The following SIRPA variants were observed in gnomAD, a reference collection of about 807,000 sequenced individuals.
SIRPA encodes tyrosine-protein phosphatase non-receptor type substrate 1.
A neutral mutation model predicts 50.3 loss-of-function variants in SIRPA; 9 were observed. The observed-to-expected ratio is 0.18, with a 90% CI of 0.11 to 0.31. The LOEUF (loss-of-function observed/expected upper bound fraction) is 0.31, where lower values mean the gene tolerates loss of function less well. Among genes scored for constraint, SIRPA ranks in the 10% least tolerant of loss-of-function variants. The pLI is 1.00. For synonymous variants in SIRPA, 265 were observed against 284.1 expected (o/e 0.93, Z 0.68); for missense variants, 474 against 661.6 (o/e 0.72, Z 3.11).
At chr20:1,895,342 G>A, upstream of SIRPA, 11 of 688,324 alleles carry the variant, frequency 1.6e-5, no homozygotes, top group Non-Finnish European at 2.1e-5. Context: ...AGGCCCAGCC[G>A]GGAGGGGGGA....
At chr20:1,904,767 G>A (rs544641015) in intron 1 of SIRPA, among the ~76,000 whole-genome samples, 7 of 152,258 alleles carry the variant, frequency 4.6e-5, no homozygotes, top group South Asian at 4.1e-4. Context: ...TTCTGTGACC[G>A]GGAGGCTTGG....
At chr20:1,917,225 G>A (rs1985358808) in intron 2 of SIRPA, among the ~76,000 whole-genome samples, 2 of 152,110 alleles carry the variant, frequency 1.3e-5, no homozygotes, top group Non-Finnish European at 2.9e-5. Context: ...TACTTATGAA[G>A]GAAGAGCCAT....
At position 1,937,628 on chromosome 20, in the gene SIRPA, C is replaced by T. The variant is rs893024362; in HGVS notation, c.*60C>T. The T allele has an allele frequency of 8.2e-5, 129 of 1,580,906 alleles. 1 individual carries two copies. The Middle Eastern group carries it at 1.7e-3, about 21-fold the overall frequency. On this transcript the variant is annotated 3_prime_UTR_variant, in exon 8 of 8. Coordinates refer to ENST00000358771, the MANE Select transcript of SIRPA (RefSeq NM_001040023.2). The surrounding 1 kb of genome is among the most constrained non-coding windows in gnomAD (Gnocchi z 8.3). ...CGCGCTTTCTTGTCCCACAGGGAGCCGCCGTGATGAGCACAGCCAACCCAG... is the reference window on the plus strand; with the variant it reads ...CGCGCTTTCTTGTCCCACAGGGAGCTGCCGTGATGAGCACAGCCAACCCAG...
chr20:1,931,179 C>T, intron 6 of SIRPA, among the ~76,000 whole-genome samples: 1 of 152,192 alleles, frequency 6.6e-6, no homozygotes, highest in East Asian at 1.9e-4. Flanking sequence ...TACTGGGCCC[C>T]ACCCCCAAAG....
rs1984098980 is a variant in SIRPA, at chr20:1,900,220, C to T, written c.79+4694C>T. On this transcript the variant is annotated intron_variant, in intron 1 of 7. Transcript: ENST00000358771. ...GGTTCAAGCGATTCTCCTGCCTCAGCCTCCCGAGTAGCTGGGATTACAGGG... is the reference window on the plus strand; with the variant it reads ...GGTTCAAGCGATTCTCCTGCCTCAGTCTCCCGAGTAGCTGGGATTACAGGG... Among the ~76,000 whole-genome samples the T allele has an allele frequency of 2.0e-5, 3 of 151,774 alleles. No homozygotes were observed. In the South Asian group the frequency reaches 6.3e-4, roughly 32 times the overall value.
In SIRPA at chr20:1,924,649, G is replaced by A; in HGVS notation, c.1088-115G>A. 1 of 813,308 alleles carries A rather than the reference G, an allele frequency of 1.2e-6. No homozygotes were observed. Among genetic ancestry groups the A allele is most frequent in the South Asian group, 1.6e-5 (1 of 63,502 alleles). 50.4% of individuals were successfully genotyped at this position (813,308 alleles called of 1,614,324 possible). A position where few individuals can be genotyped will look rare whatever the true frequency, so the allele number is the denominator to read the frequency against. The stretch of plus-strand genomic sequence containing the variant: ...CATGTGGCTCGAGACATCTAAGAAG[G>A]TCCAGCCAGATGTTCTCAGTTAATG... On this transcript the variant is annotated intron_variant, in intron 4 of 7. Transcript: ENST00000358771. This position sits in a 1 kb window ranked among gnomAD's most constrained non-coding sequence, Gnocchi z 4.5.
In SIRPA at chr20:1,921,729, C is replaced by G; in HGVS notation, c.754+17C>G. The G allele has an allele frequency of 6.2e-7, 1 of 1,614,096 alleles. No individual in the cohort carries two copies. The highest frequency in any genetic ancestry group is 8.5e-7 in the Non-Finnish European group (1 of 1,179,982). On this transcript the variant is annotated intron_variant, in intron 3 of 7. Coordinates refer to ENST00000358771, the MANE Select transcript of SIRPA (RefSeq NM_001040023.2). The stretch of plus-strand genomic sequence containing the variant: ...CCATCCGAGGTAGAAGACCCTCACC[C>G]AGCCCAAGCCCACACCTGACCGCCA...
chr20:1,911,201 AG>A (rs1312226817), intron 1 of SIRPA, among the ~76,000 whole-genome samples: 1 of 152,234 alleles, frequency 6.6e-6, no homozygotes, highest in Admixed American at 6.5e-5. Context: ...CTTGGATATT[AG>A]GATATTTTCA....
chr20:1,936,853 A>G lies in SIRPA; in HGVS notation c.1267-467A>G, dbSNP rs539267422. On this transcript the variant is annotated intron_variant, in intron 7 of 7. Transcript: ENST00000358771. This position sits in a 1 kb window ranked among gnomAD's most constrained non-coding sequence, Gnocchi z 4.2. ...GAAAACAAACATGGGCTGAGGAAGC[A>G]CAAAGAAGGAACATGGACCCTGCCA... Among the ~76,000 whole-genome samples, 1 of 152,338 alleles carries G rather than the reference A, an allele frequency of 6.6e-6. No homozygotes were observed. The highest frequency in any genetic ancestry group is 2.1e-4 in the South Asian group (1 of 4,826).
chr20:1,915,611 A>G (rs1985232508), intron 2 of SIRPA, among the ~76,000 whole-genome samples, 156 bp downstream of exon 2: 1 of 152,226 alleles, frequency 6.6e-6, no homozygotes, highest in Non-Finnish European at 1.5e-5. Context: ...TTGAGGCCTG[A>G]AGACGTCATG....
rs924874629 is a variant in SIRPA, at chr20:1,927,802, T to G, written c.1202-73T>G. 2.1e-6 allele frequency: 3 copies of G among 1,431,048 alleles called. No homozygotes were observed. The Middle Eastern group carries it at 5.2e-4, about 250-fold the overall frequency. The allele number at this position is 1,431,048 out of a possible 1,614,324, so 88.6% of individuals were successfully genotyped here. A position where few individuals can be genotyped will look rare whatever the true frequency, so the allele number is the denominator to read the frequency against. On this transcript the variant is annotated intron_variant, in intron 5 of 7. Transcript: ENST00000358771. This position sits in a 1 kb window ranked among gnomAD's most constrained non-coding sequence, Gnocchi z 6.5. ...TCCATGTCCCTGGAGGCAAACCTTT[T>G]GCCAAAAAATAGTTACATAAGAAAA...
rs992694784 is a variant in SIRPA, at chr20:1,928,597, G to A, written c.1226+698G>A. 3.9e-5 allele frequency among the ~76,000 whole-genome samples: 6 copies of A among 152,292 alleles called. No homozygotes were observed. The East Asian group carries it at 1.2e-3, about 29-fold the overall frequency. On this transcript the variant is annotated intron_variant, in intron 6 of 7. Transcript: ENST00000358771. The surrounding 1 kb of genome is among the most constrained non-coding windows in gnomAD (Gnocchi z 4.9). ...GTGATTCATGGTGTCATATCAGGTG[G>A]TGACAACTCCTACCCTGCAAGGAGA...
In SIRPA at chr20:1,915,171, C is replaced by G; in HGVS notation, c.152C>G (p.Ala51Gly). ...KSVLVAAGET[A>G]TLRCTATSLI... is the part of the protein sequence containing the mutation. The stretch of plus-strand genomic sequence containing the variant: ...GTGTTGGTTGCAGCTGGAGAGACAG[C>G]CACTCTGCGCTGCACTGCGACCTCT... The change falls in exon 2 of 8, where the codon GCC becomes GGC. Residue 51 changes from alanine to glycine, a missense_variant. Ala to Gly is a moderately conservative substitution (Grantham distance 60). This residue lies in a region of SIRPA where 72 missense variants were observed against 76.2 expected (regional missense o/e 0.94). Transcript: ENST00000358771. 6.8e-7 allele frequency: 1 copy of G among 1,463,168 alleles called. No individual in the cohort carries two copies. Among genetic ancestry groups the G allele is most frequent in the Non-Finnish European group, 9.4e-7 (1 of 1,061,270 alleles). 90.6% of individuals were successfully genotyped at this position (1,463,168 alleles called of 1,614,324 possible).
At position 1,928,220 on chromosome 20, in the gene SIRPA, G is replaced by A. The variant is rs1031703138; in HGVS notation, c.1226+321G>A. Among the ~76,000 whole-genome samples, 1 of 152,136 alleles carries A rather than the reference G, an allele frequency of 6.6e-6. No individual in the cohort carries two copies. Among genetic ancestry groups the A allele is most frequent in the Non-Finnish European group, 1.5e-5 (1 of 68,034 alleles). ...CACAGACATCCTGCACACGCCACCGGATGCATCCTCCCAGATCCAAGTTGT... is the reference window on the plus strand; with the variant it reads ...CACAGACATCCTGCACACGCCACCGAATGCATCCTCCCAGATCCAAGTTGT... On this transcript the variant is annotated intron_variant, in intron 6 of 7. Coordinates refer to ENST00000358771, the MANE Select transcript of SIRPA (RefSeq NM_001040023.2). This position sits in a 1 kb window ranked among gnomAD's most constrained non-coding sequence, Gnocchi z 4.9.
Position 1,934,715 on chromosome 20 carries a change from G to A in SIRPA, c.1227G>A (p.Arg409=). The A allele has an allele frequency of 6.2e-7, 1 of 1,613,970 alleles. No individual in the cohort carries two copies. The highest frequency in any genetic ancestry group is 1.1e-5 in the South Asian group (1 of 91,062). ...KKAQGSTSST[R]LHEPEKNARE... is the part of the protein sequence containing the mutation. ...ATCTGTGTGTCTCTTTCCTTTTTAG[G>A]TTGCATGAGCCCGAGAAGAATGCCA... The change falls in exon 7 of 8, where the codon AGG becomes AGA. Residue 409 remains arginine (R), a splice_region_variant and synonymous_variant. Transcript: ENST00000358771. The surrounding 1 kb of genome is among the most constrained non-coding windows in gnomAD (Gnocchi z 4.6).
chr20:1,905,237 A>G (rs1984476022), intron 1 of SIRPA, among the ~76,000 whole-genome samples: 1 of 152,166 alleles, frequency 6.6e-6, no homozygotes, highest in African/African-American at 2.4e-5. Flanking sequence ...GAGGGCCTTT[A>G]TCTCAGCTGG....
intron 1 of SIRPA, 28 bp downstream of exon 1, chr20:1,895,554 G>T: frequency 7.1e-7 from 1 of 1,405,074 alleles, no homozygotes; most frequent in Non-Finnish European, 9.3e-7. Flanking sequence ...CCCCACCGCT[G>T]CACTCCCCAA....
At chr20:1,922,712 A>G in intron 4 of SIRPA, 67 bp downstream of exon 4, 3 of 1,483,464 alleles carry the variant, frequency 2.0e-6, no homozygotes, top group Non-Finnish European at 2.7e-6. Flanking sequence ...TTTAAATGTT[A>G]AAAGTAGTAA....
At chr20:1,926,560 C>G (rs1001023182) in intron 5 of SIRPA, among the ~76,000 whole-genome samples, 1 of 152,210 alleles carries the variant, frequency 6.6e-6, no homozygotes, top group Non-Finnish European at 1.5e-5. Context: ...AACACAGGCT[C>G]CAGTGACAGG....
Sources: gnomAD v4.1 joint callset for allele counts (sites outside exome capture counted in the v4.1 genomes callset) on GRCh38, gnomAD v4.1.1 for gene constraint, gnomAD v4.1.1 regional missense constraint, Gnocchi (gnomAD v3.1) non-coding constraint, MANE v1.5 for transcripts, NCBI Gene and HGNC (gene_info 2026-07-23, HGNC 2026-07-21) for gene names.